IMPG1: variants seen among roughly 807,000 people sequenced by gnomAD.
IMPG1 encodes interphotoreceptor matrix proteoglycan 1, also known as interphotoreceptor matrix proteoglycan of 150 kDa.
A neutral mutation model predicts 92.0 loss-of-function variants in IMPG1; 85 were observed. The observed-to-expected ratio is 0.92, with a 90% CI of 0.78 to 1.11. The LOEUF is 1.11. Among genes scored for constraint, IMPG1 ranks in the 50% least tolerant of loss-of-function variants. The pLI, the probability that IMPG1 is intolerant of heterozygous loss-of-function variation, is 0.00. For missense variants in IMPG1, 1,022 were observed against 956.0 expected, an observed-to-expected ratio of 1.07 and a Z score of -0.91; for synonymous variants, 367 against 334.1, an observed-to-expected ratio of 1.10 and a Z score of -1.08.
rs536763060 is a variant in IMPG1 at position 76,038,810 on chromosome 6, C to T, written c.301+3083G>A. ...CAGCTTCTCTGTCAAAGGTCATATC[C>T]TAAGTCATTTGATGATGCAGGAAGA... On this transcript the variant is annotated intron_variant, in intron 2 of 16. Coordinates refer to ENST00000369950, the MANE Select transcript of IMPG1 (RefSeq NM_001563.4). 2.7e-4 allele frequency among the ~76,000 whole-genome samples: 41 copies of T among 152,318 alleles called. 1 individual carries two copies. In the South Asian group the frequency reaches 7.5e-3, roughly 28 times the overall value.
intron 12 of IMPG1, among the ~76,000 whole-genome samples, chr6:75,952,599 TTAAAGTTTTATTAAAATCTCCATTGC>T: frequency 6.6e-6 from 1 of 152,182 alleles, no homozygotes; most frequent in South Asian, 2.1e-4. Context: ...GGAGATACAC[TTAAAGTTTTATTAAAATCTCCATTGC>T]TATGGGCTGA....
In IMPG1 at chr6:75,925,944, C is replaced by T. The variant is rs776438031; in HGVS notation, c.2244-2238G>A. 2.2e-4 allele frequency among the ~76,000 whole-genome samples: 33 copies of T among 152,130 alleles called. 1 individual carries two copies. Among genetic ancestry groups the T allele is most frequent in the Non-Finnish European group, 7.3e-5 (5 of 68,032 alleles). On this transcript the variant is annotated intron_variant, in intron 15 of 16. Coordinates refer to ENST00000369950, the MANE Select transcript of IMPG1 (RefSeq NM_001563.4). ...CTTCCCAAAGTGCTGGGATTACAGG[C>T]GTGAGCCACTGTGCCAGGCCTGTAT...
At chr6:76,024,772 T>C (rs886136358) in intron 5 of IMPG1, 12 of 289,792 alleles carry the variant, frequency 4.1e-5, no homozygotes, top group African/African-American at 2.7e-4. Context: ...ATGACATCCA[T>C]ATGGATGCAA....
intron 1 of IMPG1, among the ~76,000 whole-genome samples, chr6:76,045,937 A>G (rs1380374415): frequency 6.6e-6 from 1 of 152,212 alleles, no homozygotes; most frequent in African/African-American, 2.4e-5. Flanking sequence ...AAAATAGAGT[A>G]TATTTAATAA....
intron 7 of IMPG1, 132 bp from the exon 8 acceptor site, chr6:76,011,356 A>G (rs1486809740): frequency 1.9e-6 from 1 of 518,160 alleles, no homozygotes; most frequent in Non-Finnish European, 3.5e-6. Flanking sequence ...TTTTTCTTTT[A>G]AAAAAACTCT....
At chr6:75,923,609 AC>A in intron 16 of IMPG1, 24 bp downstream of exon 16, 1 of 1,209,176 alleles carries the variant, frequency 8.3e-7, no homozygotes, top group East Asian at 2.3e-5. Context: ...AGTAATTGCA[AC>A]CAACTTAGAA....
intron 6 of IMPG1, among the ~76,000 whole-genome samples, chr6:76,020,533 G>C (rs1783403778): frequency 6.6e-6 from 1 of 152,138 alleles, no homozygotes; most frequent in African/African-American, 2.4e-5. Context: ...GAGAGAGGTT[G>C]TAATGAAGGG....
intron 12 of IMPG1, among the ~76,000 whole-genome samples, chr6:75,965,700 T>C (rs1044426059): frequency 1.3e-5 from 2 of 150,378 alleles, no homozygotes; most frequent in Admixed American, 1.3e-4. Flanking sequence ...GCTCCGCCTC[T>C]GGGTTCACGC....
intron 7 of IMPG1, among the ~76,000 whole-genome samples, chr6:76,012,061 T>C (rs1783194921): frequency 1.3e-5 from 2 of 152,158 alleles, no homozygotes; most frequent in African/African-American, 4.8e-5. Context: ...GTGAAAGGGA[T>C]GATTACATTC....
chr6:75,935,650 C>T (rs1307720871), intron 14 of IMPG1, among the ~76,000 whole-genome samples: 1 of 152,208 alleles, frequency 6.6e-6, no homozygotes, highest in Non-Finnish European at 1.5e-5. Context: ...GAAAGGCAAA[C>T]TTACGCATCA....
At chr6:76,072,299 A>G in intron 1 of IMPG1, 123 bp downstream of exon 1, 3 of 530,852 alleles carry the variant, frequency 5.7e-6, no homozygotes, top group Non-Finnish European at 1.0e-5. Context: ...AGCAATATTT[A>G]TTCAAGGCCT....
chr6:76,069,974 C>T lies in IMPG1; in HGVS notation c.67+2448G>A, dbSNP rs1024975057. On this transcript the variant is annotated intron_variant, in intron 1 of 16. Transcript: ENST00000369950. ...AGATGGCAACCATAGACATTTGGGA[C>T]TACTAGAGGGAAGAGGGCAAGAAGG... Among the ~76,000 whole-genome samples, 7 of 152,092 alleles carry T rather than the reference C, an allele frequency of 4.6e-5. No individual in the cohort carries two copies. In the East Asian group the frequency reaches 1.3e-3, roughly 29 times the overall value.
At chr6:75,971,124 A>G (rs1212727978) in intron 12 of IMPG1, among the ~76,000 whole-genome samples, 1 of 152,148 alleles carries the variant, frequency 6.6e-6, no homozygotes, top group African/African-American at 2.4e-5. Flanking sequence ...TACACCATGG[A>G]ATACTATGCA....
intron 12 of IMPG1, among the ~76,000 whole-genome samples, chr6:75,997,262 C>T (rs1470321884): frequency 6.6e-6 from 1 of 152,144 alleles, no homozygotes; most frequent in African/African-American, 2.4e-5. Context: ...GTTAGGAAAA[C>T]CTTGCTCCCT....
intron 3 of IMPG1, 52 bp from the exon 4 acceptor site, chr6:76,034,395 G>T: frequency 6.6e-7 from 1 of 1,525,798 alleles, no homozygotes; most frequent in Non-Finnish European, 9.1e-7. Context: ...AATGCCAACC[G>T]AAGAGTTAAA....
chr6:76,055,802 A>C (rs1383050758), intron 1 of IMPG1, among the ~76,000 whole-genome samples: 1 of 152,050 alleles, frequency 6.6e-6, no homozygotes, highest in African/African-American at 2.4e-5. Flanking sequence ...TGTTTTATCC[A>C]TAAATTTGAA....
intron 12 of IMPG1, among the ~76,000 whole-genome samples, chr6:76,000,289 C>T (rs950201351): frequency 6.6e-6 from 1 of 152,160 alleles, no homozygotes; most frequent in African/African-American, 2.4e-5. Flanking sequence ...ACTTATAACA[C>T]ATAAAATTAA....
intron 7 of IMPG1, among the ~76,000 whole-genome samples, chr6:76,017,793 C>T (rs1338804174): frequency 6.6e-6 from 1 of 152,156 alleles, no homozygotes; most frequent in Admixed American, 6.5e-5. Context: ...CACTCTTTCA[C>T]CCAGGCTGGA....
At chr6:76,011,346 T>G in intron 7 of IMPG1, 122 bp from the exon 8 acceptor site, 1 of 487,902 alleles carries the variant, frequency 2.0e-6, no homozygotes, top group Non-Finnish European at 3.7e-6. Flanking sequence ...AAATGATTAT[T>G]TTTTCTTTTA....
Sources: gnomAD v4.1 joint callset for allele counts (sites outside exome capture counted in the v4.1 genomes callset) on GRCh38, gnomAD v4.1.1 for gene constraint, MANE v1.5 for transcripts, NCBI Gene and HGNC (gene_info 2026-07-23, HGNC 2026-07-21) for gene names.